Variants in UBA7 observed in about 807,000 individuals in gnomAD.
UBA7 encodes the protein ubiquitin-like modifier-activating enzyme 7.
Under a neutral mutation model 113.0 loss-of-function variants are expected in UBA7, and 88 were observed. The ratio of observed to expected loss-of-function variants is 0.78; its 90% CI spans 0.66 to 0.93. The LOEUF (loss-of-function observed/expected upper bound fraction) is 0.93, where lower values mean the gene tolerates loss of function less well. Among genes scored for constraint, UBA7 ranks in the 40% least tolerant of loss-of-function variants. UBA7 has a pLI of 0.00. For synonymous variants in UBA7, 459 were observed against 513.0 expected, an observed-to-expected ratio of 0.89 and a Z score of 1.42; for missense variants, 1,092 against 1,266.4, an observed-to-expected ratio of 0.86 and a Z score of 2.09.
At position 49,813,820 on chromosome 3, in the gene UBA7, C is replaced by T. The variant is rs747693224; in HGVS notation, c.-33G>A. 9 of 1,613,148 alleles carry T rather than the reference C, an allele frequency of 5.6e-6. No homozygotes were observed. The highest frequency in any genetic ancestry group is 1.6e-4 in the Middle Eastern group (1 of 6,084). On this transcript the variant is annotated 5_prime_UTR_variant, in exon 1 of 24. Coordinates refer to ENST00000333486, the MANE Select transcript of UBA7 (RefSeq NM_003335.3). Reference sequence around the variant, plus strand: ...CCTGGGGCTGAACAGTAGGCTGCAGCGCTCAGAGATAGGGTCTTTGTGTAG... The same window carrying T: ...CCTGGGGCTGAACAGTAGGCTGCAGTGCTCAGAGATAGGGTCTTTGTGTAG...
At position 49,805,292 on chromosome 3, in the gene UBA7, C is replaced by T. The variant is rs772794143; in HGVS notation, c.*16G>A. ...TCCGGGGCTCCATTGAGCTAGGTGA[C>T]AGGGTGGCTGCCTTGTCACAGCTCA... On this transcript the variant is annotated 3_prime_UTR_variant, in exon 24 of 24. Coordinates refer to ENST00000333486, the MANE Select transcript of UBA7 (RefSeq NM_003335.3). 6.2e-7 allele frequency: 1 copy of T among 1,611,212 alleles called. No individual in the cohort carries two copies. Among genetic ancestry groups the T allele is most frequent in the Non-Finnish European group, 8.5e-7 (1 of 1,177,846 alleles).
Position 49,808,092 on chromosome 3 carries a change from A to C in UBA7, c.2451T>G (p.His817Gln). 1 of 1,614,124 alleles carries C rather than the reference A, an allele frequency of 6.2e-7. No homozygotes were observed. Among genetic ancestry groups the C allele is most frequent in the Non-Finnish European group, 8.5e-7 (1 of 1,180,004 alleles). The part of the protein sequence containing the change: ...MFEKDDDSNF[H>Q]VDFVVAAASL... ...TAGCTGCCGCTACCACAAAGTCCAC[A>C]TGGAAGTTGCTGTCATCATCCTGTA... is the stretch of plus-strand genomic sequence containing the variant. Residue 817 changes from histidine (H) to glutamine (Q), a missense_variant, in exon 20 of 24, where the codon CAT becomes CAG. Transcript: ENST00000333486.
At position 49,808,461 on chromosome 3, in the gene UBA7, C is replaced by T. The variant is rs1575371020; in HGVS notation, c.2355G>A (p.Glu785=). The T allele has an allele frequency of 6.2e-7, 1 of 1,614,150 alleles. No individual in the cohort carries two copies. The highest frequency in any genetic ancestry group is 8.5e-7 in the Non-Finnish European group (1 of 1,180,016). ...GGGCTTTGTTCAGTTCCTTCTGCTG[C>T]TCAGGGCCTGTCAGGGGAGGGGATG... ...LASASAEFGP[E]QQKELNKALE... Residue 785 remains glutamate, a synonymous_variant, in exon 19 of 24, where the codon GAG becomes GAA. Coordinates refer to ENST00000333486, the MANE Select transcript of UBA7 (RefSeq NM_003335.3).
chr3:49,809,755 A>G (rs1469000355), intron 15 of UBA7, 30 bp from the exon 16 acceptor site: 1 of 1,613,954 alleles, frequency 6.2e-7, no homozygotes, highest in African/African-American at 1.3e-5. Flanking sequence ...TGTGAGACTG[A>G]GTCCTGCAGA....
In UBA7 at chr3:49,807,526, G is replaced by A. The variant is rs1305168590; in HGVS notation, c.2715+210C>T. Among the ~76,000 whole-genome samples, 1 of 152,182 alleles carries A rather than the reference G, an allele frequency of 6.6e-6. No homozygotes were observed. Among genetic ancestry groups the A allele is most frequent in the East Asian group, 1.9e-4 (1 of 5,184 alleles). Reference sequence around the variant, plus strand: ...GCTCCCCCAGATCCTGGGCTTTGGAGGATTGGGGGTGGGGATGGCTGACGG... The same window carrying A: ...GCTCCCCCAGATCCTGGGCTTTGGAAGATTGGGGGTGGGGATGGCTGACGG... On this transcript the variant is annotated intron_variant, in intron 21 of 23. Coordinates refer to ENST00000333486, the MANE Select transcript of UBA7 (RefSeq NM_003335.3). This position sits in a 1 kb window ranked among gnomAD's most constrained non-coding sequence, Gnocchi z 4.0.
Position 49,810,549 on chromosome 3 carries a change from G to T in UBA7, c.1435C>A (p.Arg479Ser). ...TCCTGGGACCTGAAGAGGAACTGAC[G>T]GCTGAGATTGGAGCGCTCTATGTGG... Reference protein sequence around the residue: ...MDHIERSNLSRQFLFRSQDVG... With the variant: ...MDHIERSNLSSQFLFRSQDVG... The change falls in exon 12 of 24, where the codon CGT becomes AGT. Residue 479 changes from arginine to serine, a missense_variant. By Grantham distance (110) the Arg-to-Ser change is moderately radical. Coordinates refer to ENST00000333486, the MANE Select transcript of UBA7 (RefSeq NM_003335.3). The surrounding 1 kb of genome is among the most constrained non-coding windows in gnomAD (Gnocchi z 5.6). 3 of 1,614,150 alleles carry T rather than the reference G, an allele frequency of 1.9e-6. No homozygotes were observed. Among genetic ancestry groups the T allele is most frequent in the Non-Finnish European group, 2.5e-6 (3 of 1,180,010 alleles).
chr3:49,807,870 C>T lies in UBA7; in HGVS notation c.2581G>A (p.Ala861Thr), dbSNP rs1172325955. Residue 861 changes from alanine to threonine, a missense_variant, in exon 21 of 24, where the codon GCA becomes ACA. Around this residue, in one of 3 missense-constraint regions of UBA7, gnomAD observed 500 missense variants for 529.3 expected, o/e 0.94. Coordinates refer to ENST00000333486, the MANE Select transcript of UBA7 (RefSeq NM_003335.3). The surrounding 1 kb of genome is among the most constrained non-coding windows in gnomAD (Gnocchi z 4.0). ...PAIATTTAAV[A>T]GLLGLELYKV... is the part of the protein sequence containing the mutation. The stretch of plus-strand genomic sequence containing the variant: ...TACAGCTCCAGGCCCAACAGGCCTG[C>T]CACAGCTGCTGTAGTGGTGGCAATG... The T allele has an allele frequency of 6.2e-7, 1 of 1,613,772 alleles. No homozygotes were observed. The highest frequency in any genetic ancestry group is 1.7e-5 in the Admixed American group (1 of 60,006).
At position 49,807,745 on chromosome 3, in the gene UBA7, G is replaced by T; in HGVS notation, c.2706C>A (p.Ala902=). 6.2e-7 allele frequency: 1 copy of T among 1,607,986 alleles called. No homozygotes were observed. Among genetic ancestry groups the T allele is most frequent in the Non-Finnish European group, 8.5e-7 (1 of 1,176,772 alleles). ...GGTATCATGGGCTCACCGTCTGGAT[G>T]GCTGGGGCAAAAGGCATATAGCGGA... is the stretch of plus-strand genomic sequence containing the variant. ...YLIRYMPFAP[A]IQTFHHLKWT... The change falls in exon 21 of 24, where the codon GCC becomes GCA. Residue 902 remains alanine, a synonymous_variant. Transcript: ENST00000333486. This position sits in a 1 kb window ranked among gnomAD's most constrained non-coding sequence, Gnocchi z 4.0.
At position 49,810,427 on chromosome 3, in the gene UBA7, C is replaced by G. The variant is rs2081525193; in HGVS notation, c.1469G>C (p.Arg490Thr). 4.3e-6 allele frequency: 7 copies of G among 1,613,912 alleles called. No individual in the cohort carries two copies. The highest frequency in any genetic ancestry group is 1.3e-5 in the African/African-American group (1 of 74,890). Residue 490 changes from arginine to threonine, a missense_variant and splice_region_variant, in exon 13 of 24, where the codon AGA (arginine) becomes ACA (threonine). By Grantham distance (71) the Arg-to-Thr change is moderately conservative. Coordinates refer to ENST00000333486, the MANE Select transcript of UBA7 (RefSeq NM_003335.3). The surrounding 1 kb of genome is among the most constrained non-coding windows in gnomAD (Gnocchi z 5.6). ...TGCTGCAGCCACCTCTGCCTTGGGT[C>G]TCTGGGAAGAAGGCAGGAAGATGTT... ...QFLFRSQDVGRPKAEVAAAAA... is the reference protein window; with the variant it reads ...QFLFRSQDVGTPKAEVAAAAA...
chr3:49,810,003 G>A lies in UBA7; in HGVS notation c.1814C>T (p.Pro605Leu), dbSNP rs2081517688. ...CTGCAGGGTGTGCTCGGCTGTGCTAGGGAAGTACCGCACGGTACAGACAGG... is the reference window on the plus strand; with the variant it reads ...CTGCAGGGTGTGCTCGGCTGTGCTAAGGAAGTACCGCACGGTACAGACAGG... Reference protein sequence around the residue: ...PYPVCTVRYFPSTAEHTLQWA... With the variant: ...PYPVCTVRYFLSTAEHTLQWA... Residue 605 changes from proline (P) to leucine (L), a missense_variant, in exon 14 of 24, where the codon CCT becomes CTT. This residue lies in a region of UBA7 where 500 missense variants were observed against 529.3 expected (regional missense o/e 0.94). Coordinates refer to ENST00000333486, the MANE Select transcript of UBA7 (RefSeq NM_003335.3). This position sits in a 1 kb window ranked among gnomAD's most constrained non-coding sequence, Gnocchi z 5.6. 6.2e-7 allele frequency: 1 copy of A among 1,613,836 alleles called. No homozygotes were observed. The highest frequency in any genetic ancestry group is 8.5e-7 in the Non-Finnish European group (1 of 1,179,936).
At position 49,811,392 on chromosome 3, in the gene UBA7, C is replaced by T; in HGVS notation, c.1003G>A (p.Glu335Lys). Residue 335 changes from glutamate to lysine, a missense_variant, in exon 9 of 24, where the codon GAG becomes AAG. By Grantham distance (56) the Glu-to-Lys change is moderately conservative. Around this residue, in one of 3 missense-constraint regions of UBA7, gnomAD observed 584 missense variants for 714.5 expected, o/e 0.82. Transcript: ENST00000333486. ...DLEPLKRTEE[E>K]PLEEPLDEAL... The stretch of plus-strand genomic sequence containing the variant: ...TCATCCAGTGGCTCTTCCAGTGGCT[C>T]TTCCTCTGTCCGCTTCAGTGGTTCC... 1 of 1,612,858 alleles carries T rather than the reference C, an allele frequency of 6.2e-7. No homozygotes were observed. The highest frequency in any genetic ancestry group is 8.5e-7 in the Non-Finnish European group (1 of 1,179,512).
At position 49,813,572 on chromosome 3, in the gene UBA7, C is replaced by T. The variant is rs1215738025; in HGVS notation, c.132G>A (p.Gly44=). ...RVLVSGLQGL[G]AEVAKNLVLM... is the part of the protein sequence containing the mutation. ...GAACCAAGTTCTTGGCCACCTCGGC[C>T]CCCAGGCCCTGCAGGCCTGACACCA... The change falls in exon 2 of 24, where the codon GGG becomes GGA. Residue 44 remains glycine (G), a synonymous_variant. Transcript: ENST00000333486. 1 of 1,613,926 alleles carries T rather than the reference C, an allele frequency of 6.2e-7. No homozygotes were observed. Among genetic ancestry groups the T allele is most frequent in the Non-Finnish European group, 8.5e-7 (1 of 1,180,046 alleles).
chr3:49,809,210 G>T (rs1189938849), intron 17 of UBA7, 51 bp from the exon 18 acceptor site: 39 of 1,568,950 alleles, frequency 2.5e-5, no homozygotes, highest in Non-Finnish European at 3.0e-5. Context: ...TGGGGTGGGG[G>T]TCACTGTCCA....
In UBA7 at chr3:49,808,424, T is replaced by A; in HGVS notation, c.2392A>T (p.Ser798Cys). Residue 798 changes from serine (S) to cysteine (C), a missense_variant, in exon 19 of 24, where the codon AGT becomes TGT. By Grantham distance (112) the Ser-to-Cys change is moderately radical. Transcript: ENST00000333486. Reference sequence around the variant, plus strand: ...AGAGGCTTCAGGGGAGGGCCCACACTCCAGACTTCCAGGGCTTTGTTCAGT... The same window carrying A: ...AGAGGCTTCAGGGGAGGGCCCACACACCAGACTTCCAGGGCTTTGTTCAGT... ...KELNKALEVW[S>C]VGPPLKPLMF... 1.2e-6 allele frequency: 2 copies of A among 1,614,134 alleles called. No individual in the cohort carries two copies. Among genetic ancestry groups the A allele is most frequent in the Non-Finnish European group, 1.7e-6 (2 of 1,179,996 alleles).
chr3:49,806,806 A>T (rs2081460626), intron 21 of UBA7, among the ~76,000 whole-genome samples: 1 of 151,960 alleles, frequency 6.6e-6, no homozygotes, highest in Non-Finnish European at 1.5e-5. Context: ...TCAAGCTGAG[A>T]CTAGGCTAGA....
At chr3:49,811,572 T>G in intron 8 of UBA7, 117 bp from the exon 9 acceptor site, 1 of 1,420,790 alleles carries the variant, frequency 7.0e-7, no homozygotes, top group Non-Finnish European at 9.5e-7. Flanking sequence ...GAAGCCTGGG[T>G]GGGAAGGCCT....
chr3:49,808,516 C>T, intron 18 of UBA7, 48 bp from the exon 19 acceptor site: 2 of 1,588,978 alleles, frequency 1.3e-6, no homozygotes, highest in Non-Finnish European at 1.7e-6. Context: ...CTGTCTCCTG[C>T]ACTCTTCTTG....
intron 19 of UBA7, 130 bp downstream of exon 19, chr3:49,808,256 G>C: frequency 6.6e-7 from 1 of 1,506,926 alleles, no homozygotes; most frequent in Non-Finnish European, 9.2e-7. Flanking sequence ...TGAGGTTCAG[G>C]GAATGTGAGC....
rs2081530454 is a variant in UBA7 at position 49,810,671 on chromosome 3, A to C, written c.1313T>G (p.Val438Gly). The C allele has an allele frequency of 6.2e-7, 1 of 1,614,010 alleles. No homozygotes were observed. Among genetic ancestry groups the C allele is most frequent in the Non-Finnish European group, 8.5e-7 (1 of 1,179,950 alleles). Residue 438 changes from valine to glycine, a missense_variant and splice_region_variant, in exon 12 of 24, where the codon GTG becomes GGG. Physicochemically the swap from Val to Gly is moderately radical, Grantham distance 109 (BLOSUM62 -3). Around this residue, in one of 3 missense-constraint regions of UBA7, gnomAD observed 584 missense variants for 714.5 expected, o/e 0.82. Coordinates refer to ENST00000333486, the MANE Select transcript of UBA7 (RefSeq NM_003335.3). The surrounding 1 kb of genome is among the most constrained non-coding windows in gnomAD (Gnocchi z 5.6). ...CTCACAACCAATGGCACCAGCGCCC[A>C]CCTGTTGGCAGGAACAGCCTTAGCC... Reference protein sequence around the residue: ...EKLRRQHYLLVGAGAIGCELL... With the variant: ...EKLRRQHYLLGGAGAIGCELL...
Sources: allele counts gnomAD v4.1 joint callset (sites outside exome capture counted in the v4.1 genomes callset), GRCh38; gene constraint gnomAD v4.1.1; regional missense constraint gnomAD v4.1.1; non-coding constraint Gnocchi (gnomAD v3.1); transcripts MANE v1.5; gene names NCBI Gene and HGNC (gene_info 2026-07-23, HGNC 2026-07-21).